SNTN: variants seen among roughly 807,000 people sequenced by gnomAD.
The protein encoded by SNTN is sentan, cilia apical structure protein.
SNTN carries 13 observed loss-of-function variants against 12.3 expected under a neutral mutation model. The ratio of observed to expected loss-of-function variants is 1.05; its 90% confidence interval spans 0.69 to 1.67. The LOEUF (loss-of-function observed/expected upper bound fraction) is 1.67, where lower values mean the gene tolerates loss of function less well. Among genes scored for constraint, SNTN ranks in the 40% most tolerant of loss-of-function variants. SNTN has a pLI of 0.00. For missense variants in SNTN, 189 were observed against 169.8 expected (o/e 1.11, Z -0.63); for synonymous variants, 69 against 58.5 (o/e 1.18, Z -0.82).
At chr3:63,663,640 G>C (rs140908851) in intron 3 of SNTN, 6 of 407,462 alleles carry the variant, frequency 1.5e-5, no homozygotes, top group Middle Eastern at 6.8e-4. Flanking sequence ...AAAGAGCCTG[G>C]AACCCTCCCT....
intron 2 of SNTN, among the ~76,000 whole-genome samples, chr3:63,655,567 G>A (rs1700669775): frequency 6.6e-6 from 1 of 152,048 alleles, no homozygotes; most frequent in Non-Finnish European, 1.5e-5. Context: ...TTTGAGAATT[G>A]TCCCATCACA....
In SNTN at chr3:63,664,117, A is replaced by G; in HGVS notation, c.*22A>G. The stretch of plus-strand genomic sequence containing the variant: ...ATGAACAGTTTTAAATATGCTGTAT[A>G]AAATAATGGCAAAAGACAGTGTTAT... On this transcript the variant is annotated 3_prime_UTR_variant, in exon 4 of 4. Transcript: ENST00000343837. The G allele has an allele frequency of 6.4e-7, 1 of 1,562,002 alleles. No homozygotes were observed.
intron 2 of SNTN, 87 bp from the exon 3 acceptor site, chr3:63,659,638 A>G: frequency 1.3e-6 from 2 of 1,509,338 alleles, no homozygotes; most frequent in Middle Eastern, 1.8e-4. Context: ...AAGGTTCCCT[A>G]CAGTTCCCTT....
At chr3:63,656,029 T>C (rs758416103) in intron 2 of SNTN, among the ~76,000 whole-genome samples, 2 of 152,212 alleles carry the variant, frequency 1.3e-5, no homozygotes, top group Non-Finnish European at 2.9e-5. Flanking sequence ...AGTTCTGATA[T>C]ATACTACCTA....
At chr3:63,663,325 A>G (rs7631976) in intron 3 of SNTN, among the ~76,000 whole-genome samples, 52,722 of 152,060 alleles carry the variant, frequency 0.35, 10,634 homozygotes, top group East Asian at 0.64. Flanking sequence ...TATATATTCA[A>G]TAAGGTCACT....
At chr3:63,658,437 A>G (rs907719877) in intron 2 of SNTN, among the ~76,000 whole-genome samples, 2 of 149,588 alleles carry the variant, frequency 1.3e-5, no homozygotes, top group Non-Finnish European at 3.0e-5. Context: ...TAAAATATAT[A>G]TAAGTGGACA....
At chr3:63,657,077 AAAGTCAG>A (rs1352310585) in intron 2 of SNTN, among the ~76,000 whole-genome samples, 1 of 152,188 alleles carries the variant, frequency 6.6e-6, no homozygotes, top group Non-Finnish European at 1.5e-5. Flanking sequence ...CAAGCTCCAA[AAAGTCAG>A]AGTTTGTTCT....
intron 2 of SNTN, among the ~76,000 whole-genome samples, chr3:63,656,631 A>C (rs770186701): frequency 6.6e-6 from 1 of 152,222 alleles, no homozygotes; most frequent in East Asian, 1.9e-4. Context: ...GCCATCTATC[A>C]GAAATTTTAA....
intron 3 of SNTN, among the ~76,000 whole-genome samples, chr3:63,662,633 C>G (rs949191907): frequency 6.6e-6 from 1 of 152,174 alleles, no homozygotes; most frequent in Non-Finnish European, 1.5e-5. Context: ...CTAAATAACA[C>G]TCAGCTCTCC....
Position 63,654,781 on chromosome 3 carries a change from C to A in SNTN, c.130C>A (p.Leu44Met), listed in dbSNP as rs201763891. The change falls in exon 2 of 4, where the codon CTG becomes ATG. Residue 44 changes from leucine (L) to methionine (M), a missense_variant. Coordinates refer to ENST00000343837, the MANE Select transcript of SNTN (RefSeq NM_001080537.2). ...MPKRISISKQ[L>M]ASVKALRKCS... ...TGGCAGGATTTCAATATCCAAACAA[C>A]TGGCTTCAGTGAAAGGTAAGGCACA... 119 of 1,613,130 alleles carry A rather than the reference C, an allele frequency of 7.4e-5. No individual in the cohort carries two copies. The highest frequency in any genetic ancestry group is 3.9e-4 in the South Asian group (35 of 90,872).
intron 2 of SNTN, among the ~76,000 whole-genome samples, chr3:63,657,940 T>G (rs1455808432): frequency 6.6e-6 from 1 of 152,210 alleles, no homozygotes; most frequent in African/African-American, 2.4e-5. Flanking sequence ...TTCACCCACT[T>G]GTCTTCACTC....
intron 3 of SNTN, among the ~76,000 whole-genome samples, chr3:63,660,976 C>T (rs747596986): frequency 9.2e-5 from 14 of 152,250 alleles, no homozygotes; most frequent in South Asian, 2.1e-4. Context: ...GTATTTTTCC[C>T]ACAACTGCCT....
At chr3:63,663,636 C>A in intron 3 of SNTN, 2 of 395,280 alleles carry the variant, frequency 5.1e-6, no homozygotes, top group Non-Finnish European at 9.5e-6. Context: ...TTTAAAAGAG[C>A]CTGGAACCCT....
chr3:63,656,367 G>A (rs1700679676), intron 2 of SNTN, among the ~76,000 whole-genome samples: 1 of 152,084 alleles, frequency 6.6e-6, no homozygotes, highest in Admixed American at 6.6e-5. Flanking sequence ...TGTCCACAAA[G>A]AATATATAGT....
intron 3 of SNTN, 35 bp from the exon 4 acceptor site, chr3:63,663,902 C>A: frequency 6.2e-7 from 1 of 1,601,934 alleles, no homozygotes; most frequent in Non-Finnish European, 8.5e-7. Flanking sequence ...AAAGTCTATA[C>A]AACGAATTCG....
chr3:63,654,667 A>G (rs537089145), intron 1 of SNTN, 95 bp from the exon 2 acceptor site: 4 of 1,138,010 alleles, frequency 3.5e-6, no homozygotes, highest in South Asian at 3.0e-5. Context: ...TTACCAAAAT[A>G]AACAATTTTT....
At position 63,664,073 on chromosome 3, in the gene SNTN, G is replaced by T. The variant is rs374555446; in HGVS notation, c.422G>T (p.Arg141Leu). The T allele has an allele frequency of 6.2e-7, 1 of 1,607,750 alleles. No individual in the cohort carries two copies. Among genetic ancestry groups the T allele is most frequent in the Non-Finnish European group, 8.5e-7 (1 of 1,177,728 alleles). The change falls in exon 4 of 4, where the codon CGG becomes CTG. Residue 141 changes from arginine to leucine, a missense_variant. Transcript: ENST00000343837. ...ATGTCAGATCTGCTACAAAATATAC[G>T]GAATGTAAAAATTATGAAATGAACA... Reference protein sequence around the residue: ...TVMSDLLQNIRNVKIMK With the variant: ...TVMSDLLQNILNVKIMK
Position 63,664,005 on chromosome 3 carries a change from A to T in SNTN, c.354A>T (p.Leu118=). 6.2e-7 allele frequency: 1 copy of T among 1,614,070 alleles called. No homozygotes were observed. The highest frequency in any genetic ancestry group is 8.5e-7 in the Non-Finnish European group (1 of 1,179,964). ...SELDEHTENK[L]DFEDFMILLL... The stretch of plus-strand genomic sequence containing the variant: ...TTGATGAGCACACAGAAAATAAGCT[A>T]GATTTTGAAGACTTCATGATCTTGC... Residue 118 remains leucine (L), a synonymous_variant, in exon 4 of 4, where the codon CTA becomes CTT. Coordinates refer to ENST00000343837, the MANE Select transcript of SNTN (RefSeq NM_001080537.2).
At chr3:63,660,912 C>T (rs1575751163) in intron 3 of SNTN, among the ~76,000 whole-genome samples, 1 of 152,266 alleles carries the variant, frequency 6.6e-6, no homozygotes, top group African/African-American at 2.4e-5. Flanking sequence ...AGGTTACTAC[C>T]TTACTCACCT....
Sources: gnomAD v4.1 joint callset for allele counts (sites outside exome capture counted in the v4.1 genomes callset) on GRCh38, gnomAD v4.1.1 for gene constraint, MANE v1.5 for transcripts, NCBI Gene and HGNC (gene_info 2026-07-23, HGNC 2026-07-21) for gene names.